Variants in DCC observed in about 807,000 individuals in gnomAD.
DCC encodes netrin receptor DCC.
DCC carries 58 observed loss-of-function variants against 172.5 expected under a neutral mutation model. That is an observed-to-expected ratio of 0.34 (90% CI 0.27 to 0.42). The LOEUF (loss-of-function observed/expected upper bound fraction) is 0.42. Among genes scored for constraint, DCC ranks in the 10% least tolerant of loss-of-function variants. The pLI, the probability that DCC is intolerant of heterozygous loss-of-function variation, is 1.00. For synonymous variants in DCC, 709 were observed against 644.5 expected (o/e 1.10, Z -1.52); for missense variants, 1,740 against 1,791.0 (o/e 0.97, Z 0.51).
At position 52,378,970 on chromosome 18, in the gene DCC, G is replaced by A. The variant is rs115051377; in HGVS notation, c.91+38092G>A. Among the ~76,000 whole-genome samples, 1,252 of 152,214 alleles carry A rather than the reference G, an allele frequency of 8.2e-3. 19 individuals are homozygous for A. The highest frequency in any genetic ancestry group is 0.028 in the African/African-American group (1,147 of 41,556). On this transcript the variant is annotated intron_variant, in intron 1 of 28. Coordinates refer to ENST00000442544, the MANE Select transcript of DCC (RefSeq NM_005215.4). ...GGTTTCTATAGCGAGTTTTGTGTAC[G>A]TGCCCTTGTTGTAGGAAAGGTAAAG...
At chr18:52,356,140 T>C (rs1348118454) in intron 1 of DCC, among the ~76,000 whole-genome samples, 2 of 152,268 alleles carry the variant, frequency 1.3e-5, no homozygotes, top group Middle Eastern at 3.4e-3. Flanking sequence ...TTTGGTGGCA[T>C]ACATAATGTA....
intron 1 of DCC, among the ~76,000 whole-genome samples, chr18:52,612,680 C>G (rs1023713858): frequency 6.6e-6 from 1 of 152,098 alleles, no homozygotes; most frequent in South Asian, 2.1e-4. Flanking sequence ...GTTTCTAGAG[C>G]CTTGATGGTT....
intron 12 of DCC, among the ~76,000 whole-genome samples, chr18:53,258,966 G>A (rs1475488953): frequency 6.6e-6 from 1 of 152,046 alleles, no homozygotes; most frequent in African/African-American, 2.4e-5. Context: ...TTATGTAATG[G>A]CCTTCTGTGT....
chr18:53,530,205 A>C (rs902698100), intron 28 of DCC: 1 of 643,854 alleles, frequency 1.6e-6, no homozygotes, highest in Non-Finnish European at 2.8e-6. Context: ...CCTATGAAAT[A>C]GATGTCATTA....
chr18:53,369,153 C>T (rs770357019), intron 15 of DCC, among the ~76,000 whole-genome samples: 2 of 151,428 alleles, frequency 1.3e-5, no homozygotes, highest in African/African-American at 2.4e-5. Flanking sequence ...CTTTTATCTC[C>T]TTGGCTCAGT....
intron 1 of DCC, among the ~76,000 whole-genome samples, chr18:52,548,980 C>T (rs759006576): frequency 1.3e-5 from 2 of 152,048 alleles, no homozygotes; most frequent in Non-Finnish European, 2.9e-5. Context: ...TGCATTCTTC[C>T]TACACATATT....
intron 23 of DCC, among the ~76,000 whole-genome samples, chr18:53,458,991 G>A (rs1049123174): frequency 1.3e-5 from 2 of 152,116 alleles, no homozygotes; most frequent in East Asian, 3.9e-4. Flanking sequence ...GGAGAAAGGA[G>A]CTCTCTGCCA....
chr18:52,654,895 T>A (rs938685381), intron 1 of DCC, among the ~76,000 whole-genome samples: 6 of 152,184 alleles, frequency 3.9e-5, no homozygotes, highest in Non-Finnish European at 8.8e-5. Context: ...CTCTCTCTTC[T>A]ACCTGCTTCA....
intron 16 of DCC, among the ~76,000 whole-genome samples, chr18:53,390,216 C>CT (rs1908450917): frequency 6.6e-6 from 1 of 151,622 alleles, no homozygotes; most frequent in Non-Finnish European, 1.5e-5. Context: ...AGCCTGGGCT[C>CT]TGTCATTAAA....
At chr18:52,885,158 G>T (rs1320891226) in intron 2 of DCC, among the ~76,000 whole-genome samples, 1 of 151,906 alleles carries the variant, frequency 6.6e-6, no homozygotes. Context: ...ACCACTACCT[G>T]GCTACCACCT....
Position 52,536,167 on chromosome 18 carries a change from G to A in DCC, c.91+195289G>A, listed in dbSNP as rs186601335. ...ACTTGCGGGAGGAACAGTGATATGT[G>A]GGGGGAAGGAGGAAATGGAACCATG... On this transcript the variant is annotated intron_variant, in intron 1 of 28. Coordinates refer to ENST00000442544, the MANE Select transcript of DCC (RefSeq NM_005215.4). 2.5e-3 allele frequency among the ~76,000 whole-genome samples: 375 copies of A among 152,180 alleles called. 4 individuals carry two copies. The highest frequency in any genetic ancestry group is 0.015 in the South Asian group (70 of 4,824).
chr18:53,367,217 A>G (rs780486843), intron 15 of DCC, among the ~76,000 whole-genome samples: 2 of 152,100 alleles, frequency 1.3e-5, no homozygotes, highest in Non-Finnish European at 2.9e-5. Context: ...TTTTATTTTG[A>G]GCCACATTAT....
chr18:52,865,770 T>G (rs1401062143), intron 2 of DCC, among the ~76,000 whole-genome samples: 2 of 152,148 alleles, frequency 1.3e-5, no homozygotes, highest in Admixed American at 6.5e-5. Context: ...ACAGATAGAT[T>G]GCAAAATTTT....
chr18:53,009,281 A>G (rs914176577), intron 5 of DCC, among the ~76,000 whole-genome samples: 1 of 151,878 alleles, frequency 6.6e-6, no homozygotes, highest in African/African-American at 2.4e-5. Context: ...GATGCTTGAA[A>G]CCCATTGTTT....
chr18:52,451,111 A>C, intron 1 of DCC, among the ~76,000 whole-genome samples: 1 of 152,198 alleles, frequency 6.6e-6, no homozygotes, highest in East Asian at 1.9e-4. Context: ...CAGGGATTAA[A>C]TATCCATGAC....
intron 5 of DCC, among the ~76,000 whole-genome samples, chr18:52,939,887 G>A (rs1471369897): frequency 1.3e-5 from 2 of 152,104 alleles, no homozygotes; most frequent in Non-Finnish European, 2.9e-5. Context: ...GATTATCAGG[G>A]ATTCTTCTGT....
At chr18:53,044,697 G>T (rs9950010) in intron 5 of DCC, among the ~76,000 whole-genome samples, 1 of 151,534 alleles carries the variant, frequency 6.6e-6, no homozygotes, top group South Asian at 2.1e-4. Flanking sequence ...AAAATAACCA[G>T]ACAGAAAACA....
In DCC at chr18:53,512,922, C is replaced by G. The variant is rs537938145; in HGVS notation, c.4111+13412C>G. On this transcript the variant is annotated intron_variant, in intron 27 of 28. Transcript: ENST00000442544. ...ATCCAGGAGAACTTCCCCAATCTAT[C>G]AAGGCAGGCCAACATTCAGATTCAG... Among the ~76,000 whole-genome samples the G allele has an allele frequency of 5.4e-3, 822 of 152,278 alleles. 5 individuals are homozygous for G. Among genetic ancestry groups the G allele is most frequent in the African/African-American group, 0.019 (777 of 41,528 alleles).
chr18:52,924,254 T>C (rs966907972), intron 4 of DCC, among the ~76,000 whole-genome samples: 1 of 152,148 alleles, frequency 6.6e-6, no homozygotes, highest in Non-Finnish European at 1.5e-5. Flanking sequence ...TCAGTTCAAC[T>C]GTGATAATCA....
Sources: allele counts gnomAD v4.1 joint callset (sites outside exome capture counted in the v4.1 genomes callset), GRCh38; gene constraint gnomAD v4.1.1; transcripts MANE v1.5; gene names NCBI Gene and HGNC (gene_info 2026-07-23, HGNC 2026-07-21).